DDX10: variants seen among roughly 807,000 people sequenced by gnomAD.
DDX10 encodes the protein probable ATP-dependent RNA helicase DDX10.
Under a neutral mutation model 104.3 loss-of-function variants are expected in DDX10, and 74 were observed. The observed-to-expected ratio is 0.71, with a 90% CI of 0.59 to 0.86. DDX10 has a LOEUF of 0.86. DDX10 is among the 40% of genes least tolerant of loss of function. The pLI is 0.00. For missense variants in DDX10, 952 were observed against 1,040.0 expected (o/e 0.92, Z 1.16); for synonymous variants, 351 against 353.4 (o/e 0.99, Z 0.08).
At chr11:108,938,098 G>A (rs1405251885) in intron 17 of DDX10, among the ~76,000 whole-genome samples, 4 of 151,824 alleles carry the variant, frequency 2.6e-5, no homozygotes, top group African/African-American at 4.8e-5. Context: ...CTCCTTTTTC[G>A]ACCTCTATTG....
chr11:108,916,069 A>C (rs895339033), intron 16 of DDX10, among the ~76,000 whole-genome samples: 16 of 152,010 alleles, frequency 1.1e-4, no homozygotes, highest in Admixed American at 1.0e-3. Flanking sequence ...AATTTCTAAT[A>C]CAGTAAATGT....
At chr11:108,773,893 G>A (rs1284386163) in intron 13 of DDX10, among the ~76,000 whole-genome samples, 1 of 152,178 alleles carries the variant, frequency 6.6e-6, no homozygotes, top group Non-Finnish European at 1.5e-5. Flanking sequence ...CGGGCCCAGA[G>A]AAGCATAAAA....
At chr11:108,681,712 A>G (rs2094235532) in intron 6 of DDX10, among the ~76,000 whole-genome samples, 1 of 152,198 alleles carries the variant, frequency 6.6e-6, no homozygotes, top group Non-Finnish European at 1.5e-5. Context: ...GGTATTTCTA[A>G]TGATTTTATT....
chr11:108,752,104 A>G (rs545795967), intron 13 of DDX10, among the ~76,000 whole-genome samples: 1 of 152,198 alleles, frequency 6.6e-6, no homozygotes, highest in South Asian at 2.1e-4. Context: ...TCAGAATTAT[A>G]TGGGTTGTGA....
At chr11:108,920,063 T>C (rs1275962912) in intron 17 of DDX10, 1 of 152,138 alleles carries the variant, frequency 6.6e-6, no homozygotes, top group Non-Finnish European at 1.5e-5. Context: ...ATTAATTGAT[T>C]GATGAAGGAG....
intron 13 of DDX10, among the ~76,000 whole-genome samples, chr11:108,817,730 A>G (rs1862274187): frequency 1.3e-5 from 2 of 152,218 alleles, no homozygotes; most frequent in Non-Finnish European, 2.9e-5. Flanking sequence ...AATTTGAAGT[A>G]GGCTTAAAAA....
intron 9 of DDX10, among the ~76,000 whole-genome samples, chr11:108,697,811 A>G (rs2134454506): frequency 6.6e-6 from 1 of 152,340 alleles, no homozygotes; most frequent in South Asian, 2.1e-4. Context: ...TCCAGTTGAA[A>G]GTAGAAAATA....
intron 16 of DDX10, among the ~76,000 whole-genome samples, chr11:108,869,519 G>A (rs1311277161): frequency 1.3e-5 from 2 of 152,044 alleles, no homozygotes; most frequent in African/African-American, 4.8e-5. Context: ...TTATTGATAA[G>A]CTTTCATTAA....
intron 13 of DDX10, among the ~76,000 whole-genome samples, chr11:108,812,341 T>TATG (rs369955454): frequency 1.3e-5 from 2 of 152,210 alleles, no homozygotes; most frequent in African/African-American, 4.8e-5. Context: ...ACAATTGATA[T>TATG]ATGTAGTAAG....
intron 9 of DDX10, among the ~76,000 whole-genome samples, chr11:108,696,323 C>T (rs907333725): frequency 5.3e-5 from 8 of 152,148 alleles, no homozygotes; most frequent in Middle Eastern, 3.4e-3. Context: ...ACTATAGGCG[C>T]GTGCCACCAC....
Position 108,831,382 on chromosome 11 carries a change from G to A in DDX10, c.1966-7064G>A, listed in dbSNP as rs998732823. 1.2e-4 allele frequency among the ~76,000 whole-genome samples: 15 copies of A among 127,884 alleles called. No homozygotes were observed. In the South Asian group the frequency reaches 1.7e-3, roughly 15 times the overall value. 83.9% of individuals were successfully genotyped at this position (127,884 alleles called of 152,430 possible). On this transcript the variant is annotated intron_variant, in intron 13 of 17. Transcript: ENST00000322536. ...TCGAGCCACTGCACTCTTCCCTGGC[G>A]CCACTGCACCCCAGCCTGGTGACAG...
chr11:108,752,107 G>T (rs2094339454), intron 13 of DDX10, among the ~76,000 whole-genome samples: 1 of 152,078 alleles, frequency 6.6e-6, no homozygotes, highest in Non-Finnish European at 1.5e-5. Flanking sequence ...GAATTATATG[G>T]GTTGTGAAGA....
In DDX10 at chr11:108,918,032, A is replaced by G. The variant is rs1156588604; in HGVS notation, c.2450+14A>G. On this transcript the variant is annotated intron_variant, in intron 17 of 17. Transcript: ENST00000322536. The stretch of plus-strand genomic sequence containing the variant: ...AAATAAAATAAGGTATGTTTTTACT[A>G]TGGGTATGAAATACATACTTAGTAC... The G allele has an allele frequency of 1.9e-6, 3 of 1,609,276 alleles. No individual in the cohort carries two copies. Among genetic ancestry groups the G allele is most frequent in the Middle Eastern group, 1.7e-4 (1 of 5,964 alleles).
intron 11 of DDX10, among the ~76,000 whole-genome samples, chr11:108,719,052 AG>A (rs571375830): frequency 9.9e-5 from 15 of 151,864 alleles, no homozygotes; most frequent in Admixed American, 5.9e-4. Context: ...AAACTGATAA[AG>A]GATCAGGACC....
chr11:108,936,040 C>T (rs760790417), intron 17 of DDX10, among the ~76,000 whole-genome samples: 25 of 151,950 alleles, frequency 1.6e-4, no homozygotes, highest in Non-Finnish European at 2.8e-4. Flanking sequence ...CACACAATTG[C>T]AGATTTTTAA....
chr11:108,842,480 T>G (rs569775761), intron 15 of DDX10, among the ~76,000 whole-genome samples: 78 of 152,322 alleles, frequency 5.1e-4, no homozygotes, highest in African/African-American at 1.7e-3. Flanking sequence ...CAGTACACAC[T>G]TTTTTATAAA....
rs377091876 is a variant in DDX10 at position 108,815,985 on chromosome 11, A to G, written c.1966-22461A>G. Among the ~76,000 whole-genome samples the G allele has an allele frequency of 8.9e-4, 135 of 151,328 alleles. 1 individual carries two copies. The highest frequency in any genetic ancestry group is 5.2e-3 in the Admixed American group (80 of 15,246). On this transcript the variant is annotated intron_variant, in intron 13 of 17. Coordinates refer to ENST00000322536, the MANE Select transcript of DDX10 (RefSeq NM_004398.4). ...CCAATCTGTTGAAACTTTTCTTGCT[A>G]TGGTCTGGAACAGTTCCCATTTTGC...
intron 16 of DDX10, among the ~76,000 whole-genome samples, chr11:108,890,968 C>G (rs751450050): frequency 2.6e-5 from 4 of 152,164 alleles, no homozygotes; most frequent in African/African-American, 4.8e-5. Flanking sequence ...TGCAGCCTTT[C>G]TCCCTGCTCT....
In DDX10 at chr11:108,936,373, C is replaced by T. The variant is rs537078891; in HGVS notation, c.2451-3873C>T. ...ATAGCAGTAGTAGGGCGTACCTACTCTGTATGCTTCTGAGCCTTGTGGAAT... is the reference window on the plus strand; with the variant it reads ...ATAGCAGTAGTAGGGCGTACCTACTTTGTATGCTTCTGAGCCTTGTGGAAT... On this transcript the variant is annotated intron_variant, in intron 17 of 17. Transcript: ENST00000322536. Among the ~76,000 whole-genome samples the T allele has an allele frequency of 2.6e-5, 4 of 152,270 alleles. No homozygotes were observed. In the South Asian group the frequency reaches 8.3e-4, roughly 32 times the overall value.
Sources: gnomAD v4.1 joint callset for allele counts (sites outside exome capture counted in the v4.1 genomes callset) on GRCh38, gnomAD v4.1.1 for gene constraint, MANE v1.5 for transcripts, NCBI Gene and HGNC (gene_info 2026-07-23, HGNC 2026-07-21) for gene names.